The following RPTOR variants were observed in gnomAD, a reference collection of about 807,000 sequenced individuals.
RPTOR encodes regulatory associated protein of MTOR complex 1.
In RPTOR, 21 loss-of-function variants were observed where a neutral mutation model predicts 169.9. The observed-to-expected ratio is 0.12, with a 90% CI of 0.09 to 0.18. The LOEUF (loss-of-function observed/expected upper bound fraction) is 0.18, where lower values mean the gene tolerates loss of function less well. RPTOR is among the 10% of genes least tolerant of loss of function. RPTOR has a pLI of 1.00. For synonymous variants in RPTOR, 732 were observed against 753.2 expected, an observed-to-expected ratio of 0.97 and a Z score of 0.46; for missense variants, 1,133 against 1,855.9, an observed-to-expected ratio of 0.61 and a Z score of 7.16.
In RPTOR at chr17:80,823,347, TAACA is replaced by T; in HGVS notation, c.1136+126_1136+129del. The T allele has an allele frequency of 8.0e-7, 1 of 1,243,636 alleles. No individual in the cohort carries two copies. 77.0% of individuals were successfully genotyped at this position (1,243,636 alleles called of 1,614,324 possible). On this transcript the variant is annotated intron_variant, in intron 9 of 33. Transcript: ENST00000306801. This position sits in a 1 kb window ranked among gnomAD's most constrained non-coding sequence, Gnocchi z 4.5. The stretch of plus-strand genomic sequence containing the variant: ...CTAACTTGGGGACCCCGTGTAGCAT[TAACA>T]AGTGAAGCTAAATGCAGGGCTCCCA...
intron 2 of RPTOR, among the ~76,000 whole-genome samples, chr17:80,640,156 A>G (rs984374424): frequency 1.3e-4 from 19 of 148,986 alleles, no homozygotes; most frequent in Admixed American, 2.8e-4. Context: ...TCATTCATCA[A>G]TTTACCCACA....
At chr17:80,962,740 C>T (rs1407217961) in intron 32 of RPTOR, among the ~76,000 whole-genome samples, 163 bp downstream of exon 32, 1 of 152,216 alleles carries the variant, frequency 6.6e-6, no homozygotes, top group African/African-American at 2.4e-5. Context: ...ACCACATCCT[C>T]CCAGGATAAA....
chr17:80,715,197 C>T (rs575401096), intron 4 of RPTOR, among the ~76,000 whole-genome samples: 5 of 152,140 alleles, frequency 3.3e-5, no homozygotes, highest in Admixed American at 1.3e-4. Context: ...CGAATCTCTA[C>T]GTAGGTAGAT....
Position 80,708,892 on chromosome 17 carries a change from C to T in RPTOR, c.507+893C>T, listed in dbSNP as rs1266346197. 1.0e-6 allele frequency: 1 copy of T among 983,390 alleles called. No individual in the cohort carries two copies. Among genetic ancestry groups the T allele is most frequent in the Non-Finnish European group, 1.2e-6 (1 of 827,786 alleles). The allele number at this position is 983,390 out of a possible 1,614,324, so 60.9% of individuals were successfully genotyped here. A position where few individuals can be genotyped will look rare whatever the true frequency, so the allele number is the denominator to read the frequency against. ...CCAGTTTCGGTTGTGCTGTCAGCCT[C>T]CTGGGCTTCTGCTTCCTTAGTGTGG... On this transcript the variant is annotated intron_variant, in intron 4 of 33. Coordinates refer to ENST00000306801, the MANE Select transcript of RPTOR (RefSeq NM_020761.3). This position sits in a 1 kb window ranked among gnomAD's most constrained non-coding sequence, Gnocchi z 4.2.
At chr17:80,679,757 G>A (rs2065884656) in intron 3 of RPTOR, among the ~76,000 whole-genome samples, 1 of 152,354 alleles carries the variant, frequency 6.6e-6, no homozygotes, top group South Asian at 2.1e-4. Flanking sequence ...GCTCAGTTTA[G>A]CTGTTGTCAT....
chr17:80,830,964 T>G (rs2067497370), intron 9 of RPTOR, among the ~76,000 whole-genome samples: 1 of 152,098 alleles, frequency 6.6e-6, no homozygotes, highest in South Asian at 2.1e-4. Flanking sequence ...AGGCTGGTCT[T>G]GAACTCCTGA....
intron 9 of RPTOR, among the ~76,000 whole-genome samples, chr17:80,831,733 G>GTA (rs2067505910): frequency 6.6e-6 from 1 of 151,958 alleles, no homozygotes; most frequent in Non-Finnish European, 1.5e-5. Context: ...GTGTCACTGT[G>GTA]TCACTGTGTA....
chr17:80,662,766 A>G (rs556508656), intron 3 of RPTOR, among the ~76,000 whole-genome samples: 2 of 152,254 alleles, frequency 1.3e-5, no homozygotes, highest in East Asian at 3.9e-4. Flanking sequence ...ATCTTAGCAG[A>G]ATTCAGGCCC....
At position 80,965,562 on chromosome 17, in the gene RPTOR, T is replaced by C. The variant is rs1272246687; in HGVS notation, c.*1232T>C. On this transcript the variant is annotated 3_prime_UTR_variant, in exon 34 of 34. Coordinates refer to ENST00000306801, the MANE Select transcript of RPTOR (RefSeq NM_020761.3). ...TTTCCGTGTTCGTCGGGAATCAGGA[T>C]TATTGAGAGGTGAAGGAGCCAGGTG... is the stretch of plus-strand genomic sequence containing the variant. 1 of 233,152 alleles carries C rather than the reference T, an allele frequency of 4.3e-6. No individual in the cohort carries two copies. The highest frequency in any genetic ancestry group is 8.5e-6 in the Non-Finnish European group (1 of 118,044). The allele number at this position is 233,152 out of a possible 1,614,324, so 14.4% of individuals were successfully genotyped here. A position where few individuals can be genotyped will look rare whatever the true frequency, so the allele number is the denominator to read the frequency against.
At chr17:80,801,771 T>C (rs7219896) in intron 7 of RPTOR, 33,769 of 151,938 alleles carry the variant, frequency 0.22, 4,154 homozygotes, top group African/African-American at 0.32. Context: ...GATTTAGAAA[T>C]GAAGAGGTGG....
In RPTOR at chr17:80,959,953, C is replaced by G; in HGVS notation, c.3478-125C>G. 8.4e-7 allele frequency: 1 copy of G among 1,196,160 alleles called. No individual in the cohort carries two copies. The highest frequency in any genetic ancestry group is 1.2e-6 in the Non-Finnish European group (1 of 840,718). The allele number at this position is 1,196,160 out of a possible 1,614,324, so 74.1% of individuals were successfully genotyped here. A position where few individuals can be genotyped will look rare whatever the true frequency, so the allele number is the denominator to read the frequency against. On this transcript the variant is annotated intron_variant, in intron 29 of 33. Coordinates refer to ENST00000306801, the MANE Select transcript of RPTOR (RefSeq NM_020761.3). This position sits in a 1 kb window ranked among gnomAD's most constrained non-coding sequence, Gnocchi z 6.7. ...GCTTCCCTGGATAGAGAGAAAGGCC[C>G]CTGCAGCCAGGGAGGGTGATCCCCA...
rs1157376418 is a variant in RPTOR, at chr17:80,844,274, G to A, written c.1213-2199G>A. Among the ~76,000 whole-genome samples, 1 of 152,186 alleles carries A rather than the reference G, an allele frequency of 6.6e-6. No homozygotes were observed. The highest frequency in any genetic ancestry group is 1.5e-5 in the Non-Finnish European group (1 of 68,044). ...CTTCACCGCGCACCTGCCAGGCAAA[G>A]GTGTGCTTTTCCTTTTTTGTCAGTT... On this transcript the variant is annotated intron_variant, in intron 10 of 33. Coordinates refer to ENST00000306801, the MANE Select transcript of RPTOR (RefSeq NM_020761.3). This position sits in a 1 kb window ranked among gnomAD's most constrained non-coding sequence, Gnocchi z 4.7.
intron 9 of RPTOR, 47 bp from the exon 10 acceptor site, chr17:80,837,875 G>T: frequency 6.4e-7 from 1 of 1,566,624 alleles, no homozygotes; most frequent in Non-Finnish European, 8.7e-7. Context: ...GCCTCGTGTG[G>T]AAGCCCGTCC....
At chr17:80,893,944 T>G in intron 20 of RPTOR, 79 bp downstream of exon 20, 3 of 1,342,686 alleles carry the variant, frequency 2.2e-6, no homozygotes, top group Non-Finnish European at 3.0e-6. Context: ...GACCTGTGTC[T>G]GCATCAGGTC....
chr17:80,704,313 G>A (rs2066126129), intron 3 of RPTOR, among the ~76,000 whole-genome samples: 1 of 152,176 alleles, frequency 6.6e-6, no homozygotes, highest in Non-Finnish European at 1.5e-5. Flanking sequence ...AGCTGCCCTT[G>A]GTGTGTTGTA....
rs776223335 is a variant in RPTOR at position 80,923,570 on chromosome 17, C to T, written c.2705C>T (p.Pro902Leu). 3.1e-6 allele frequency: 5 copies of T among 1,613,546 alleles called. No homozygotes were observed. Among genetic ancestry groups the T allele is most frequent in the South Asian group, 1.1e-5 (1 of 91,072 alleles). ...VAKQPVSRDL[P>L]SGRPGTTGPA... ...AAGCAGCCGGTCAGCCGAGACTTGC[C>T]TTCTGGCCGGCCGGGCACCACAGGC... The change falls in exon 23 of 34, where the codon CCT (proline) becomes CTT (leucine). Residue 902 changes from proline to leucine, a missense_variant. Pro to Leu is a moderately conservative substitution (Grantham distance 98). Around this residue, in one of 9 missense-constraint regions of RPTOR, gnomAD observed 123 missense variants for 129.0 expected, o/e 0.95. Coordinates refer to ENST00000306801, the MANE Select transcript of RPTOR (RefSeq NM_020761.3).
chr17:80,638,166 G>A (rs1056507016), intron 2 of RPTOR, among the ~76,000 whole-genome samples: 3 of 152,254 alleles, frequency 2.0e-5, no homozygotes, highest in Non-Finnish European at 2.9e-5. Flanking sequence ...CGGTAGAGAC[G>A]TCAGGGCAGG....
intron 1 of RPTOR, among the ~76,000 whole-genome samples, chr17:80,601,251 C>G (rs2143449043): frequency 6.6e-6 from 1 of 152,402 alleles, no homozygotes; most frequent in Non-Finnish European, 1.5e-5. Flanking sequence ...ATCTTGCCTG[C>G]TGAGGACCCG....
chr17:80,743,785 C>CCCTGGCTACTAGCACTGT (rs1567887290), intron 5 of RPTOR, among the ~76,000 whole-genome samples: 2 of 66,512 alleles, frequency 3.0e-5, no homozygotes, highest in Non-Finnish European at 3.5e-5. Context: ...ACTAGCAGAG[C>CCCTGGCTACTAGCACTGT]CCTGGCTACT....
Sources: allele counts gnomAD v4.1 joint callset (sites outside exome capture counted in the v4.1 genomes callset), GRCh38; gene constraint gnomAD v4.1.1; regional missense constraint gnomAD v4.1.1; non-coding constraint Gnocchi (gnomAD v3.1); transcripts MANE v1.5; gene names NCBI Gene and HGNC (gene_info 2026-07-23, HGNC 2026-07-21).